Variants in CCM2 observed in about 807,000 individuals in gnomAD.
The protein encoded by CCM2 is CCM2 scaffold protein.
In CCM2, 25 loss-of-function variants were observed where a neutral mutation model predicts 44.9. That is an observed-to-expected ratio of 0.56 (90% confidence interval 0.41 to 0.78). CCM2 has a LOEUF of 0.78. CCM2 is among the 30% of genes least tolerant of loss of function. The pLI is 0.00. For missense variants in CCM2, 481 were observed against 580.6 expected (o/e 0.83, Z 1.76); for synonymous variants, 219 against 241.1 (o/e 0.91, Z 0.85).
At chr7:45,016,993 TCTC>T (rs966029184) in intron 1 of CCM2, among the ~76,000 whole-genome samples, 166 of 151,862 alleles carry the variant, frequency 1.1e-3, no homozygotes, top group African/African-American at 3.8e-3. Flanking sequence ...ATGGTCTCGA[TCTC>T]CTGACCTCGT....
At chr7:45,013,333 C>A (rs539526653) in intron 1 of CCM2, among the ~76,000 whole-genome samples, 1 of 151,572 alleles carries the variant, frequency 6.6e-6, no homozygotes, top group Non-Finnish European at 1.5e-5. Context: ...TTTAAACAAT[C>A]GACTTTTCAC....
Position 45,075,974 on chromosome 7 carries a change from G to C in CCM2, c.1252G>C (p.Gly418Arg), listed in dbSNP as rs1219265941. Residue 418 changes from glycine (G) to arginine (R), a missense_variant, in exon 10 of 10, where the codon GGG becomes CGG. Transcript: ENST00000258781. ...SSDDRSAPSE[G>R]DEWDRMISDI... is the part of the protein sequence containing the mutation. The stretch of plus-strand genomic sequence containing the variant: ...TGATGACCGGTCGGCACCCTCAGAG[G>C]GGGATGAGTGGGACCGCATGATCTC... 1 of 1,613,190 alleles carries C rather than the reference G, an allele frequency of 6.2e-7. No homozygotes were observed. Among genetic ancestry groups the C allele is most frequent in the Admixed American group, 1.7e-5 (1 of 60,022 alleles).
At chr7:45,072,990 T>C in intron 7 of CCM2, 1 of 656,076 alleles carries the variant, frequency 1.5e-6, no homozygotes, top group Admixed American at 2.1e-5. Context: ...CTGTCCCTCT[T>C]GTCTCTCCCT....
At chr7:45,060,126 T>C (rs547793777) in intron 2 of CCM2, among the ~76,000 whole-genome samples, 1 of 152,378 alleles carries the variant, frequency 6.6e-6, no homozygotes, top group Admixed American at 6.5e-5. Context: ...GAAGTTCTTT[T>C]AACTTTTCTT....
chr7:45,000,663 G>T (rs1389419301), intron 1 of CCM2, among the ~76,000 whole-genome samples: 2 of 152,256 alleles, frequency 1.3e-5, no homozygotes, highest in African/African-American at 2.4e-5. Context: ...CCGGCGAGGG[G>T]CCAGAAAGCT....
chr7:45,022,716 G>A (rs1327157238), intron 1 of CCM2, among the ~76,000 whole-genome samples: 1 of 151,928 alleles, frequency 6.6e-6, no homozygotes, highest in Non-Finnish European at 1.5e-5. Flanking sequence ...GGTTACATGG[G>A]TGAATTGTAT....
At chr7:45,069,616 A>G (rs990555781) in intron 5 of CCM2, among the ~76,000 whole-genome samples, 1 of 152,202 alleles carries the variant, frequency 6.6e-6, no homozygotes, top group Non-Finnish European at 1.5e-5. Context: ...CCTGGGCCAC[A>G]TGGCAGTCCT....
intron 1 of CCM2, among the ~76,000 whole-genome samples, chr7:45,002,784 C>T (rs549308604): frequency 1.3e-5 from 2 of 152,250 alleles, no homozygotes; most frequent in African/African-American, 2.4e-5. Flanking sequence ...CCTCTTGTGT[C>T]CCATGAAACT....
At chr7:45,022,569 G>A (rs1222851942) in intron 1 of CCM2, among the ~76,000 whole-genome samples, 1 of 151,742 alleles carries the variant, frequency 6.6e-6, no homozygotes, top group Non-Finnish European at 1.5e-5. Flanking sequence ...GCCTCCCAAA[G>A]TGCTGGGATT....
chr7:45,071,202 A>G (rs1330339536), intron 6 of CCM2: 1 of 152,490 alleles, frequency 6.6e-6, no homozygotes, highest in Non-Finnish European at 1.5e-5. Context: ...TGAGTAGCAG[A>G]TGATTTATCG....
At chr7:45,010,231 G>A (rs1279097511) in intron 1 of CCM2, among the ~76,000 whole-genome samples, 2 of 152,130 alleles carry the variant, frequency 1.3e-5, no homozygotes, top group Non-Finnish European at 2.9e-5. Context: ...CATCTTCAGT[G>A]AATATTAGCT....
intron 2 of CCM2, among the ~76,000 whole-genome samples, chr7:45,051,420 CAT>C (rs1055900761): frequency 1.4e-5 from 2 of 139,498 alleles, no homozygotes; most frequent in Admixed American, 1.4e-4. Context: ...TTTATTGAGA[CAT>C]AGTCTCGTTC....
At chr7:45,009,512 C>T (rs1167716041) in intron 1 of CCM2, among the ~76,000 whole-genome samples, 1 of 142,090 alleles carries the variant, frequency 7.0e-6, no homozygotes, top group Non-Finnish European at 1.5e-5. Context: ...TCAAGCGATT[C>T]TCCTGCCTCA....
intron 1 of CCM2, among the ~76,000 whole-genome samples, chr7:45,026,597 A>ATTTT (rs747619583): frequency 4.5e-4 from 52 of 114,414 alleles, no homozygotes; most frequent in African/African-American, 1.2e-3. Context: ...CTCTAACCAG[A>ATTTT]TTTTTTTTTT....
chr7:45,047,431 G>GGT (rs765271600), intron 2 of CCM2, among the ~76,000 whole-genome samples: 2 of 152,208 alleles, frequency 1.3e-5, no homozygotes, highest in Non-Finnish European at 2.9e-5. Context: ...CACCTACTGG[G>GGT]GAGGCTGAGG....
At chr7:45,027,570 A>T in intron 1 of CCM2, 1 of 1,547,484 alleles carries the variant, frequency 6.5e-7, no homozygotes, top group Non-Finnish European at 8.8e-7. Flanking sequence ...TTAAACTTTT[A>T]AAAAATTGTA....
In CCM2 at chr7:45,027,488, G is replaced by A. The variant is rs1583875574; in HGVS notation, c.31-10765G>A. The A allele has an allele frequency of 1.2e-5, 9 of 747,540 alleles. No individual in the cohort carries two copies. The East Asian group carries it at 2.5e-4, about 20-fold the overall frequency. The allele number at this position is 747,540 out of a possible 1,614,324, so 46.3% of individuals were successfully genotyped here. On this transcript the variant is annotated intron_variant, in intron 1 of 9. Transcript: ENST00000258781. Reference sequence around the variant, plus strand: ...TGTGGGAAGTAGGGAAAATGAGCTGGTTTACTTTGTGTCTTTTTGTGCATG... The same window carrying A: ...TGTGGGAAGTAGGGAAAATGAGCTGATTTACTTTGTGTCTTTTTGTGCATG...
intron 2 of CCM2, among the ~76,000 whole-genome samples, chr7:45,056,739 T>A (rs933052566): frequency 6.6e-6 from 1 of 152,230 alleles, no homozygotes; most frequent in African/African-American, 2.4e-5. Flanking sequence ...TTATCAGATA[T>A]GATTGGAAAC....
intron 2 of CCM2, among the ~76,000 whole-genome samples, chr7:45,054,423 G>A (rs548489160): frequency 2.0e-5 from 3 of 152,010 alleles, no homozygotes; most frequent in South Asian, 2.1e-4. Flanking sequence ...ACCCTGCCAC[G>A]GGAACTTTAT....
Sources: allele counts gnomAD v4.1 joint callset (sites outside exome capture counted in the v4.1 genomes callset), GRCh38; gene constraint gnomAD v4.1.1; transcripts MANE v1.5; gene names NCBI Gene and HGNC (gene_info 2026-07-23, HGNC 2026-07-21).